Variants in GRAP2 observed in about 807,000 individuals in gnomAD.
GRAP2 encodes the protein GRB2-related adapter protein 2.
A neutral mutation model predicts 43.5 loss-of-function variants in GRAP2; 31 were observed. That is an observed-to-expected ratio of 0.71 (90% CI 0.54 to 0.96). The LOEUF (loss-of-function observed/expected upper bound fraction) is 0.96. Among genes scored for constraint, GRAP2 ranks in the 40% least tolerant of loss-of-function variants. The pLI is 0.00. For synonymous variants in GRAP2, 156 were observed against 164.8 expected, an observed-to-expected ratio of 0.95 and a Z score of 0.41; for missense variants, 371 against 424.4, an observed-to-expected ratio of 0.87 and a Z score of 1.11.
Position 39,968,157 on chromosome 22 carries a change from C to T in GRAP2, c.575C>T (p.Thr192Ile). The change falls in exon 6 of 8, where the codon ACC (threonine) becomes ATC (isoleucine). Residue 192 changes from threonine to isoleucine, a missense_variant. By Grantham distance (89) the Thr-to-Ile change is moderately conservative. Coordinates refer to ENST00000344138, the MANE Select transcript of GRAP2 (RefSeq NM_004810.4). ...CGGAAGCTGTCGGATCACCCCCCGA[C>T]CCTTCCCCTGCAGCAGCACCAGCAC... is the stretch of plus-strand genomic sequence containing the variant. ...MNRKLSDHPP[T>I]LPLQQHQHQP... 1 of 1,608,372 alleles carries T rather than the reference C, an allele frequency of 6.2e-7. No individual in the cohort carries two copies. Among genetic ancestry groups the T allele is most frequent in the Admixed American group, 1.7e-5 (1 of 58,830 alleles).
intron 2 of GRAP2, among the ~76,000 whole-genome samples, chr22:39,954,628 C>T (rs1338505993): frequency 6.6e-6 from 1 of 152,130 alleles, no homozygotes; most frequent in Non-Finnish European, 1.5e-5. Flanking sequence ...CTCCTGGCCT[C>T]AAGTGATCTA....
intron 1 of GRAP2, among the ~76,000 whole-genome samples, chr22:39,912,406 AG>A (rs2066573482): frequency 6.6e-6 from 1 of 152,188 alleles, no homozygotes; most frequent in South Asian, 2.1e-4. Flanking sequence ...TGGGTGACAT[AG>A]TGAGACCTTG....
At chr22:39,905,382 A>G (rs911605309) in intron 1 of GRAP2, among the ~76,000 whole-genome samples, 1 of 152,174 alleles carries the variant, frequency 6.6e-6, no homozygotes, top group Non-Finnish European at 1.5e-5. Context: ...TAATAATAAT[A>G]ATAGTAGGTA....
intron 2 of GRAP2, among the ~76,000 whole-genome samples, chr22:39,953,936 C>T (rs2067018046): frequency 6.6e-6 from 1 of 152,138 alleles, no homozygotes; most frequent in South Asian, 2.1e-4. Flanking sequence ...AACTCTAATT[C>T]TTACTGTTAC....
intron 1 of GRAP2, among the ~76,000 whole-genome samples, chr22:39,917,399 A>G (rs1461071329): frequency 6.6e-6 from 1 of 152,186 alleles, no homozygotes; most frequent in Non-Finnish European, 1.5e-5. Flanking sequence ...CACCTGCCAG[A>G]TGCTTCTCGT....
intron 1 of GRAP2, among the ~76,000 whole-genome samples, chr22:39,922,073 C>T (rs1192093347): frequency 6.6e-6 from 1 of 152,186 alleles, no homozygotes; most frequent in Non-Finnish European, 1.5e-5. Flanking sequence ...GTCATTCATT[C>T]ATTATTCATT....
chr22:39,968,375 A>C (rs2067197937), intron 6 of GRAP2, 103 bp downstream of exon 6: 1 of 1,397,858 alleles, frequency 7.2e-7, no homozygotes, highest in Non-Finnish European at 9.8e-7. Context: ...TTCATGATGA[A>C]GACCCTGGAC....
intron 2 of GRAP2, among the ~76,000 whole-genome samples, chr22:39,954,596 T>C (rs2067026223): frequency 6.6e-6 from 1 of 152,150 alleles, no homozygotes; most frequent in Non-Finnish European, 1.5e-5. Flanking sequence ...CATTTCACCA[T>C]GATGGACAGG....
the GRAP2 span, among the ~76,000 whole-genome samples, chr22:39,894,137 T>C: frequency 3.3e-5 from 5 of 151,706 alleles, no homozygotes; most frequent in African/African-American, 1.2e-4. Context: ...TTTTAAAAAG[T>C]AGACAATAAA....
chr22:39,969,450 T>G lies in GRAP2; in HGVS notation c.730T>G (p.Cys244Gly), dbSNP rs374782136. 1.2e-6 allele frequency: 2 copies of G among 1,613,870 alleles called. No individual in the cohort carries two copies. The highest frequency in any genetic ancestry group is 4.5e-5 in the East Asian group (2 of 44,888). The change falls in exon 7 of 8, where the codon TGT (cysteine) becomes GGT (glycine). Residue 244 changes from cysteine (C) to glycine (G), a missense_variant. Transcript: ENST00000344138. The part of the protein sequence containing the change: ...GGSLDINDGH[C>G]GTGLGSEMNA... Reference sequence around the variant, plus strand: ...CAGCCTTGACATAAATGATGGGCATTGTGGCACCGGCTTGGGCAGTGAAAT... The same window carrying G: ...CAGCCTTGACATAAATGATGGGCATGGTGGCACCGGCTTGGGCAGTGAAAT...
At chr22:39,908,577 C>T (rs137964) in intron 1 of GRAP2, among the ~76,000 whole-genome samples, 94,186 of 151,934 alleles carry the variant, frequency 0.62, 30,756 homozygotes, top group African/African-American at 0.85. Context: ...TTTTTTATTA[C>T]GAACAGTTAT....
At chr22:39,921,778 A>C (rs1475082489) in intron 1 of GRAP2, among the ~76,000 whole-genome samples, 2 of 151,882 alleles carry the variant, frequency 1.3e-5, no homozygotes, top group African/African-American at 4.8e-5. Flanking sequence ...AATGTTTAAA[A>C]CCCATTGTTT....
chr22:39,928,906 C>A (rs530385423), intron 1 of GRAP2, among the ~76,000 whole-genome samples: 1 of 152,306 alleles, frequency 6.6e-6, no homozygotes, highest in East Asian at 1.9e-4. Context: ...AACCACATAA[C>A]GTTGGTGCAA....
At position 39,943,724 on chromosome 22, in the gene GRAP2, T is replaced by C. The variant is rs909539696; in HGVS notation, c.-14-3369T>C. 7.2e-4 allele frequency among the ~76,000 whole-genome samples: 108 copies of C among 150,784 alleles called. 1 individual carries two copies. Among genetic ancestry groups the C allele is most frequent in the Non-Finnish European group, 1.2e-3 (80 of 67,504 alleles). ...AAAGGGGCCTCTCTTTTCTTTCTTT[T>C]TTTTTTTTTTTTTTAAGATGGAGTC... On this transcript the variant is annotated intron_variant, in intron 1 of 7. Coordinates refer to ENST00000344138, the MANE Select transcript of GRAP2 (RefSeq NM_004810.4).
In GRAP2 at chr22:39,972,256, C is replaced by G. The variant is rs1363697288; in HGVS notation, c.*1172C>G. On this transcript the variant is annotated 3_prime_UTR_variant, in exon 8 of 8. Transcript: ENST00000344138. ...GGTGCACAGCACAGGTCAGCCTGGC[C>G]AGGGGCGAAGGAGACAGTAGAGAGG... is the stretch of plus-strand genomic sequence containing the variant. 1 of 152,494 alleles carries G rather than the reference C, an allele frequency of 6.6e-6. No homozygotes were observed. The highest frequency in any genetic ancestry group is 6.5e-5 in the Admixed American group (1 of 15,296). 9.4% of individuals were successfully genotyped at this position (152,494 alleles called of 1,614,324 possible).
Position 39,973,093 on chromosome 22 carries a change from C to T in GRAP2, c.*2009C>T, listed in dbSNP as rs978456731. ...GGAGAAAGAACAAAGGCAGAGAAGA[C>T]CTCCTCAGCTATTTTGGTGCTAGGT... On this transcript the variant is annotated 3_prime_UTR_variant, in exon 8 of 8. Transcript: ENST00000344138. The T allele has an allele frequency of 6.6e-6, 1 of 152,508 alleles. No individual in the cohort carries two copies. Among genetic ancestry groups the T allele is most frequent in the Non-Finnish European group, 1.5e-5 (1 of 68,082 alleles). 9.4% of individuals were successfully genotyped at this position (152,508 alleles called of 1,614,324 possible). A position where few individuals can be genotyped will look rare whatever the true frequency, so the allele number is the denominator to read the frequency against.
At chr22:39,908,381 C>T (rs1309950206) in intron 1 of GRAP2, among the ~76,000 whole-genome samples, 5 of 152,160 alleles carry the variant, frequency 3.3e-5, no homozygotes, top group Non-Finnish European at 5.9e-5. Flanking sequence ...TGACTGTCCA[C>T]ATCAATTATA....
intron 1 of GRAP2, among the ~76,000 whole-genome samples, chr22:39,939,345 A>G (rs562309771): frequency 3.3e-5 from 5 of 152,190 alleles, no homozygotes; most frequent in East Asian, 3.9e-4. Flanking sequence ...GGCAGATCAC[A>G]AGGTCAGGAG....
chr22:39,970,482 A>G (rs1444604410), intron 7 of GRAP2, among the ~76,000 whole-genome samples: 1 of 152,124 alleles, frequency 6.6e-6, no homozygotes, highest in Non-Finnish European at 1.5e-5. Context: ...AATACCACCT[A>G]TTGATGTGGA....
Sources: allele counts gnomAD v4.1 joint callset (sites outside exome capture counted in the v4.1 genomes callset), GRCh38; gene constraint gnomAD v4.1.1; transcripts MANE v1.5; gene names NCBI Gene and HGNC (gene_info 2026-07-23, HGNC 2026-07-21).